The following BRME1 variants were observed in gnomAD, a reference collection of about 807,000 sequenced individuals.
BRME1 encodes BRCA2 and MEILB2-associating protein 1.
Under a neutral mutation model 52.6 loss-of-function variants are expected in BRME1, and 31 were observed. The ratio of observed to expected loss-of-function variants is 0.59; its 90% CI spans 0.44 to 0.80. BRME1 has a LOEUF of 0.80. BRME1 is among the 30% of genes least tolerant of loss of function. The pLI is 0.00. For synonymous variants in BRME1, 359 were observed against 353.6 expected, an observed-to-expected ratio of 1.02 and a Z score of -0.17; for missense variants, 804 against 860.3, an observed-to-expected ratio of 0.93 and a Z score of 0.82.
chr19:13,890,966 A>G (rs1191388749), intron 5 of BRME1, among the ~76,000 whole-genome samples: 1 of 152,004 alleles, frequency 6.6e-6, no homozygotes, highest in African/African-American at 2.4e-5. Context: ...ACCGGCCATC[A>G]TGCATGGAAA....
Position 13,895,539 on chromosome 19 carries a change from T to A in BRME1, c.39A>T (p.Gly13=), listed in dbSNP as rs1185209620. The A allele has an allele frequency of 6.2e-7, 1 of 1,611,936 alleles. No homozygotes were observed. The highest frequency in any genetic ancestry group is 1.1e-5 in the South Asian group (1 of 90,894). ...KRKKLRTSGE[G]LCPPKPLKNP... is the part of the protein sequence containing the mutation. ...TCTTTAGGGGTTTTGGAGGACAGAG[T>A]CCCTCTCCTGTTTTAGAGACAGAGG... The change falls in exon 3 of 9, where the codon GGA becomes GGT. Residue 13 remains glycine, a synonymous_variant. Transcript: ENST00000586783.
Position 13,899,154 on chromosome 19 carries a change from T to C in BRME1, c.32-3608A>G, listed in dbSNP as rs193213958. On this transcript the variant is annotated intron_variant, in intron 2 of 8. Transcript: ENST00000586783. ...GCTTCTAATTCTTCTTCTTCTTCTT[T>C]TTTTTTTTTTTTGAGATGGACTCTC... Among the ~76,000 whole-genome samples, 1,090 of 148,818 alleles carry C rather than the reference T, an allele frequency of 7.3e-3. 17 individuals carry two copies. Among genetic ancestry groups the C allele is most frequent in the African/African-American group, 0.026 (1,028 of 40,190 alleles).
At chr19:13,897,464 G>A (rs1408581352) in intron 2 of BRME1, among the ~76,000 whole-genome samples, 1 of 152,198 alleles carries the variant, frequency 6.6e-6, no homozygotes, top group Non-Finnish European at 1.5e-5. Flanking sequence ...GCTGTCCTAA[G>A]AACTTGTGTG....
intron 4 of BRME1, 77 bp downstream of exon 4, chr19:13,893,065 A>G: frequency 6.9e-7 from 1 of 1,447,998 alleles, no homozygotes; most frequent in Non-Finnish European, 9.5e-7. Flanking sequence ...TTGGTGACAA[A>G]GAAGGGAGAC....
chr19:13,897,547 A>G (rs1345518159), intron 2 of BRME1, among the ~76,000 whole-genome samples: 1 of 152,026 alleles, frequency 6.6e-6, no homozygotes, highest in African/African-American at 2.4e-5. Flanking sequence ...GCAATTCAAT[A>G]TTATCTTTGT....
intron 2 of BRME1, among the ~76,000 whole-genome samples, chr19:13,901,438 G>A (rs769361673): frequency 5.9e-5 from 9 of 152,104 alleles, no homozygotes; most frequent in Non-Finnish European, 1.2e-4. Context: ...AGGCACGGTG[G>A]CTCATGCCTG....
chr19:13,892,694 C>T (rs1313833236), intron 5 of BRME1, 92 bp downstream of exon 5: 2 of 996,318 alleles, frequency 2.0e-6, no homozygotes, highest in East Asian at 2.5e-5. Context: ...CTCACCATTG[C>T]CAAAGAACTC....
intron 5 of BRME1, among the ~76,000 whole-genome samples, chr19:13,891,875 C>T (rs1969532453): frequency 6.6e-6 from 1 of 151,730 alleles, no homozygotes. Context: ...GAGTTCGAGA[C>T]CAGCCTGGCC....
Position 13,895,406 on chromosome 19 carries a change from G to T in BRME1, c.172C>A (p.Gln58Lys). 2 of 1,614,004 alleles carry T rather than the reference G, an allele frequency of 1.2e-6. No individual in the cohort carries two copies. The highest frequency in any genetic ancestry group is 2.2e-5 in the South Asian group (2 of 91,066). Reference protein sequence around the residue: ...GKLGPVPSTQQHGEEPGKAVS... With the variant: ...GKLGPVPSTQKHGEEPGKAVS... ...GCCTTTCCTGGTTCCTCCCCGTGCT[G>T]CTGTGTAGAGGGAACAGGTCCCAAT... is the stretch of plus-strand genomic sequence containing the variant. The change falls in exon 3 of 9, where the codon CAG becomes AAG. Residue 58 changes from glutamine (Q) to lysine (K), a missense_variant. By Grantham distance (53) the Gln-to-Lys change is moderately conservative (BLOSUM62 1). Around this residue, in one of 3 missense-constraint regions of BRME1, gnomAD observed 234 missense variants for 258.1 expected, o/e 0.91. Transcript: ENST00000586783.
At chr19:13,903,533 C>T (rs1226516699) in intron 2 of BRME1, among the ~76,000 whole-genome samples, 1 of 151,916 alleles carries the variant, frequency 6.6e-6, no homozygotes, top group African/African-American at 2.4e-5. Context: ...ATTAGGCGGG[C>T]GTGGTGGTGC....
At chr19:13,894,402 T>G (rs1969733084) in intron 3 of BRME1, among the ~76,000 whole-genome samples, 1 of 151,888 alleles carries the variant, frequency 6.6e-6, no homozygotes, top group Non-Finnish European at 1.5e-5. Flanking sequence ...GCGGGCGCCT[T>G]TCATCCCAGC....
chr19:13,886,177 C>T (rs1969003747), intron 6 of BRME1, 122 bp from the exon 7 acceptor site: 4 of 710,262 alleles, frequency 5.6e-6, no homozygotes, highest in African/African-American at 1.8e-5. Flanking sequence ...CACATCGGGG[C>T]TGGCTGGGAC....
rs926299822 is a variant in BRME1 at position 13,886,165 on chromosome 19, G to T, written c.1669-110C>A. On this transcript the variant is annotated intron_variant, in intron 6 of 8. Transcript: ENST00000586783. ...TTTGGCTTCACCGCGGCCACAGCAG[G>T]TCACATCGGGGCTGGCTGGGACTCC... The T allele has an allele frequency of 7.2e-6, 6 of 835,672 alleles. No homozygotes were observed. The East Asian group carries it at 1.1e-4, about 15-fold the overall frequency. The allele number at this position is 835,672 out of a possible 1,614,324, so 51.8% of individuals were successfully genotyped here.
At chr19:13,902,941 A>T (rs1009918049) in intron 2 of BRME1, among the ~76,000 whole-genome samples, 2 of 151,608 alleles carry the variant, frequency 1.3e-5, no homozygotes, top group Non-Finnish European at 2.9e-5. Flanking sequence ...AAAAAAAAAA[A>T]GTCTAGAAGC....
chr19:13,893,356 G>A, intron 3 of BRME1, 133 bp from the exon 4 acceptor site: 1 of 697,618 alleles, frequency 1.4e-6, no homozygotes, highest in Non-Finnish European at 2.5e-6. Flanking sequence ...TGGGGAACAT[G>A]GTGAAACCGT....
chr19:13,905,237 C>A (rs906576946), intron 1 of BRME1, among the ~76,000 whole-genome samples: 1 of 152,060 alleles, frequency 6.6e-6, no homozygotes, highest in African/African-American at 2.4e-5. Flanking sequence ...TGTGTGAAGC[C>A]CCTCCCTCCA....
Position 13,904,909 on chromosome 19 carries a change from G to A in BRME1, c.-17C>T, listed in dbSNP as rs759066613. 6 of 1,612,698 alleles carry A rather than the reference G, an allele frequency of 3.7e-6. No homozygotes were observed. In the East Asian group the frequency reaches 1.3e-4, roughly 36 times the overall value. The stretch of plus-strand genomic sequence containing the variant: ...CTTAGTCATTTTATCTTCCCCTTGA[G>A]AAATCTGAAAACAAGCAAAATCTCT... On this transcript the variant is annotated 5_prime_UTR_variant, in exon 2 of 9. Coordinates refer to ENST00000586783, the MANE Select transcript of BRME1 (RefSeq NM_001345843.2).
intron 2 of BRME1, among the ~76,000 whole-genome samples, chr19:13,898,173 C>T (rs1395875238): frequency 1.3e-5 from 2 of 152,042 alleles, no homozygotes; most frequent in Non-Finnish European, 2.9e-5. Flanking sequence ...CCCCAAGTTC[C>T]CAGAGAGGTG....
chr19:13,887,430 C>T (rs1244742228), intron 6 of BRME1, among the ~76,000 whole-genome samples: 1 of 152,224 alleles, frequency 6.6e-6, no homozygotes, highest in African/African-American at 2.4e-5. Context: ...TTTGACCAGC[C>T]TGGCTGTCTG....
Sources: allele counts gnomAD v4.1 joint callset (sites outside exome capture counted in the v4.1 genomes callset), GRCh38; gene constraint gnomAD v4.1.1; regional missense constraint gnomAD v4.1.1; transcripts MANE v1.5; gene names NCBI Gene and HGNC (gene_info 2026-07-23, HGNC 2026-07-21).